Variants in MBTPS1 observed in about 807,000 individuals in gnomAD.
The protein encoded by MBTPS1 is membrane bound transcription factor peptidase, site 1, also known as membrane-bound transcription factor site-1 protease.
MBTPS1 carries 94 observed loss-of-function variants against 127.8 expected under a neutral mutation model. The observed-to-expected ratio is 0.74, with a 90% CI of 0.62 to 0.87. The LOEUF (loss-of-function observed/expected upper bound fraction) is 0.87, where lower values mean the gene tolerates loss of function less well. MBTPS1 is among the 40% of genes least tolerant of loss of function. The pLI, the probability that MBTPS1 is intolerant of heterozygous loss-of-function variation, is 0.00. For synonymous variants in MBTPS1, 632 were observed against 509.4 expected, an observed-to-expected ratio of 1.24 and a Z score of -3.24; for missense variants, 1,636 against 1,353.2, an observed-to-expected ratio of 1.21 and a Z score of -3.28.
intron 1 of MBTPS1, among the ~76,000 whole-genome samples, chr16:84,106,268 C>T (rs904903107): frequency 1.3e-5 from 2 of 152,116 alleles, no homozygotes; most frequent in African/African-American, 4.8e-5. Flanking sequence ...ACACTCCAGC[C>T]TGGGCAACAA....
At chr16:84,096,166 G>C (rs1217391202) in intron 3 of MBTPS1, among the ~76,000 whole-genome samples, 1 of 152,122 alleles carries the variant, frequency 6.6e-6, no homozygotes, top group Admixed American at 6.5e-5. Context: ...AGGGGGAAAA[G>C]TTAAAGAAAA....
At chr16:84,111,975 C>T (rs909037748) in intron 1 of MBTPS1, among the ~76,000 whole-genome samples, 5 of 151,120 alleles carry the variant, frequency 3.3e-5, no homozygotes, top group South Asian at 4.2e-4. Flanking sequence ...CCAAGGCAGG[C>T]GGATCACTTG....
At chr16:84,093,111 T>A (rs932200464) in intron 6 of MBTPS1, 77 bp downstream of exon 6, 1 of 950,152 alleles carries the variant, frequency 1.1e-6, no homozygotes. Context: ...TTTACACAAG[T>A]GTGTACAGTC....
chr16:84,111,718 C>T (rs929102020), intron 1 of MBTPS1, among the ~76,000 whole-genome samples: 2 of 152,080 alleles, frequency 1.3e-5, no homozygotes, highest in African/African-American at 4.8e-5. Context: ...CTCAGTGAGG[C>T]GGATTCTGGA....
intron 21 of MBTPS1, among the ~76,000 whole-genome samples, chr16:84,058,969 A>C (rs1319395074): frequency 6.6e-6 from 1 of 152,206 alleles, no homozygotes; most frequent in Non-Finnish European, 1.5e-5. Context: ...TGAAACAGGG[A>C]ACACACTGCA....
chr16:84,091,213 T>G (rs115032404), intron 7 of MBTPS1, among the ~76,000 whole-genome samples: 7,007 of 152,202 alleles, frequency 0.046, 194 homozygotes, highest in African/African-American at 0.068. Context: ...TGGCAGGGCA[T>G]GGTGGCTCAC....
intron 16 of MBTPS1, 37 bp from the exon 17 acceptor site, chr16:84,066,650 A>G: frequency 1.9e-6 from 3 of 1,608,708 alleles, no homozygotes; most frequent in Non-Finnish European, 2.5e-6. Context: ...GGAACAGGGA[A>G]TGAAGACACT....
At chr16:84,094,900 G>C (rs1004237877) in intron 4 of MBTPS1, among the ~76,000 whole-genome samples, 4 of 152,294 alleles carry the variant, frequency 2.6e-5, no homozygotes, top group African/African-American at 9.6e-5. Flanking sequence ...CTAAGTCAAG[G>C]ATATACGAAA....
At chr16:84,090,119 G>C (rs929941460) in intron 8 of MBTPS1, among the ~76,000 whole-genome samples, 12 of 152,236 alleles carry the variant, frequency 7.9e-5, no homozygotes, top group African/African-American at 2.9e-4. Flanking sequence ...ACTTCACATA[G>C]CTTCACCTTG....
intron 5 of MBTPS1, 43 bp from the exon 6 acceptor site, chr16:84,093,340 A>G (rs2086136169): frequency 7.8e-7 from 1 of 1,287,904 alleles, no homozygotes; most frequent in Non-Finnish European, 1.1e-6. Flanking sequence ...CACACTGAAT[A>G]GCAAGTGCCA....
chr16:84,069,458 G>C (rs979666365), intron 14 of MBTPS1, among the ~76,000 whole-genome samples: 1 of 152,156 alleles, frequency 6.6e-6, no homozygotes, highest in Non-Finnish European at 1.5e-5. Context: ...GAAGAGGAGT[G>C]GAATTTAGGG....
rs1464740073 is a variant in MBTPS1, at chr16:84,059,351, G to T, written c.2782C>A (p.Pro928Thr). The change falls in exon 21 of 23, where the codon CCA (proline) becomes ACA (threonine). Residue 928 changes from proline to threonine, a missense_variant. Physicochemically the swap from Pro to Thr is conservative, Grantham distance 38 (BLOSUM62 -1). Coordinates refer to ENST00000343411, the MANE Select transcript of MBTPS1 (RefSeq NM_003791.4). ...DPKPRPLPAC[P>T]RLSWAKPQPL... ...TGTGGCTTGGCCCAAGACAAGCGTGGACAGGCTGGTAGAGGCCGAGGTTTT... is the reference window on the plus strand; with the variant it reads ...TGTGGCTTGGCCCAAGACAAGCGTGTACAGGCTGGTAGAGGCCGAGGTTTT... The T allele has an allele frequency of 6.2e-7, 1 of 1,614,176 alleles. No individual in the cohort carries two copies. Among genetic ancestry groups the T allele is most frequent in the Admixed American group, 1.7e-5 (1 of 60,028 alleles).
chr16:84,064,206 C>T (rs944958693), intron 18 of MBTPS1, among the ~76,000 whole-genome samples: 11 of 151,546 alleles, frequency 7.3e-5, no homozygotes, highest in African/African-American at 2.4e-4. Context: ...TAGTATTGTC[C>T]GTGTTGATAA....
intron 1 of MBTPS1, among the ~76,000 whole-genome samples, chr16:84,110,255 T>C (rs1299409142): frequency 6.6e-6 from 1 of 152,218 alleles, no homozygotes; most frequent in Non-Finnish European, 1.5e-5. Flanking sequence ...AAAGGGAAAC[T>C]AAAAGCATAT....
In MBTPS1 at chr16:84,070,781, A is replaced by T. The variant is rs778922565; in HGVS notation, c.1594-5T>A. On this transcript the variant is annotated splice_polypyrimidine_tract_variant and splice_region_variant and intron_variant, in intron 12 of 22. Coordinates refer to ENST00000343411, the MANE Select transcript of MBTPS1 (RefSeq NM_003791.4). Reference sequence around the variant, plus strand: ...CAAATAGGGCTGCCAGTCAGGCTGCAGGAAAAAGAAATCAGACAAAGGCTA... The same window carrying T: ...CAAATAGGGCTGCCAGTCAGGCTGCTGGAAAAAGAAATCAGACAAAGGCTA... The T allele has an allele frequency of 2.5e-6, 4 of 1,597,446 alleles. No homozygotes were observed. The highest frequency in any genetic ancestry group is 3.4e-6 in the Non-Finnish European group (4 of 1,171,892).
chr16:84,066,427 T>G, intron 17 of MBTPS1, 62 bp downstream of exon 17: 1 of 1,558,398 alleles, frequency 6.4e-7, no homozygotes, highest in Non-Finnish European at 8.7e-7. Context: ...AATCTAGACT[T>G]CAGAGGTGTA....
chr16:84,056,082 A>T lies in MBTPS1; in HGVS notation c.2885T>A (p.Leu962Ter). Residue 962 changes from leucine (L) to a stop codon, truncating the protein, a stop_gained, in exon 22 of 23, where the codon TTA becomes TAA. Coordinates refer to ENST00000343411, the MANE Select transcript of MBTPS1 (RefSeq NM_003791.4). LOFTEE classifies it high-confidence loss of function. ...AGGGCGATTCGATCGAAAGTTGGGT[A>T]ACACCACCTTGTCCAGGTCAATGGA... ...LLSIDLDKVVLPNFRSNRPQV... is the reference protein window; with the variant it reads ...LLSIDLDKVV 6.2e-7 allele frequency: 1 copy of T among 1,614,062 alleles called. No individual in the cohort carries two copies. Among genetic ancestry groups the T allele is most frequent in the Non-Finnish European group, 8.5e-7 (1 of 1,179,878 alleles).
At chr16:84,078,934 G>A (rs1375896720) in intron 11 of MBTPS1, among the ~76,000 whole-genome samples, 2 of 152,206 alleles carry the variant, frequency 1.3e-5, no homozygotes, top group African/African-American at 4.8e-5. Context: ...GAACTGACAT[G>A]GTTTGGATGC....
At chr16:84,107,552 T>C (rs13333508) in intron 1 of MBTPS1, among the ~76,000 whole-genome samples, 19,503 of 152,224 alleles carry the variant, frequency 0.13, 1,463 homozygotes, top group Non-Finnish European at 0.18. Flanking sequence ...GAGGTTTCTA[T>C]AGTTTCCCAA....
Sources: gnomAD v4.1 joint callset for allele counts (sites outside exome capture counted in the v4.1 genomes callset) on GRCh38, gnomAD v4.1.1 for gene constraint, MANE v1.5 for transcripts, NCBI Gene and HGNC (gene_info 2026-07-23, HGNC 2026-07-21) for gene names.